Variants in WDR93 observed in about 807,000 individuals in gnomAD.
WDR93 encodes WD repeat domain 93.
WDR93 carries 73 observed loss-of-function variants against 82.9 expected under a neutral mutation model. The observed-to-expected ratio is 0.88, with a 90% CI of 0.73 to 1.07. WDR93 has a LOEUF of 1.07. Among genes scored for constraint, WDR93 ranks in the 50% least tolerant of loss-of-function variants. The pLI, the probability that WDR93 is intolerant of heterozygous loss-of-function variation, is 0.00. For synonymous variants in WDR93, 283 were observed against 300.1 expected (o/e 0.94, Z 0.59); for missense variants, 738 against 826.0 (o/e 0.89, Z 1.31).
At chr15:89,716,833 G>A in intron 6 of WDR93, 78 bp from the exon 7 acceptor site, 1 of 1,003,442 alleles carries the variant, frequency 1.0e-6, no homozygotes, top group Non-Finnish European at 1.5e-6. Flanking sequence ...GGGGAAGAGA[G>A]AGCATGCCAG....
rs191347831 is a variant in WDR93 at position 89,725,666 on chromosome 15, A to G, written c.881-1491A>G. ...TCACTGTGACCTCTGCTTCCCAAGC[A>G]ATCCTCCCACCTCAGCCTCCCAAGT... On this transcript the variant is annotated intron_variant, in intron 8 of 16. Transcript: ENST00000268130. Among the ~76,000 whole-genome samples, 339 of 151,112 alleles carry G rather than the reference A, an allele frequency of 2.2e-3. 2 individuals are homozygous for G. Among genetic ancestry groups the G allele is most frequent in the African/African-American group, 7.9e-3 (323 of 41,048 alleles).
chr15:89,711,980 T>C, intron 4 of WDR93, 46 bp from the exon 5 acceptor site: 1 of 1,491,088 alleles, frequency 6.7e-7, no homozygotes, highest in Non-Finnish European at 9.3e-7. Flanking sequence ...ATACATTCTC[T>C]GTCAGCAGGC....
At chr15:89,713,787 T>TA (rs1225129616) in intron 5 of WDR93, among the ~76,000 whole-genome samples, 1 of 152,142 alleles carries the variant, frequency 6.6e-6, no homozygotes, top group Non-Finnish European at 1.5e-5. Context: ...ATATGCATTG[T>TA]ATAATGCTTT....
chr15:89,691,487 G>A (rs151052779), intron 1 of WDR93, among the ~76,000 whole-genome samples: 4 of 152,346 alleles, frequency 2.6e-5, no homozygotes, highest in Non-Finnish European at 5.9e-5. Context: ...GGGAGCCGAG[G>A]TGGGCGGATC....
At position 89,743,294 on chromosome 15, in the gene WDR93, A is replaced by C. The variant is rs143711734; in HGVS notation, c.1964A>C (p.Tyr655Ser). ...CATCACAGTTGTGTGGCCCTCAGCTATCGGAAGCTGGAGAAGAACCCAGAG... is the reference window on the plus strand; with the variant it reads ...CATCACAGTTGTGTGGCCCTCAGCTCTCGGAAGCTGGAGAAGAACCCAGAG... ...KRCERFLQKS[Y>S]RKLEKNPEKE... The change falls in exon 17 of 17, where the codon TAT (tyrosine) becomes TCT (serine). Residue 655 changes from tyrosine to serine, a missense_variant and splice_region_variant. Coordinates refer to ENST00000268130, the MANE Select transcript of WDR93 (RefSeq NM_020212.2). 4.3e-6 allele frequency: 7 copies of C among 1,614,042 alleles called. No individual in the cohort carries two copies. In the African/African-American group the frequency reaches 5.3e-5, roughly 12 times the overall value.
intron 7 of WDR93, chr15:89,719,585 A>T (rs937810929): frequency 3.3e-5 from 5 of 151,952 alleles, no homozygotes; most frequent in Non-Finnish European, 5.9e-5. Flanking sequence ...GATATTGGTA[A>T]TTTGTGTCTT....
chr15:89,735,236 T>C (rs1342750962), intron 13 of WDR93, among the ~76,000 whole-genome samples: 2 of 152,222 alleles, frequency 1.3e-5, no homozygotes, highest in South Asian at 2.1e-4. Context: ...ACAAGAGCCA[T>C]ACATGTTGAT....
At chr15:89,735,688 A>C (rs1714289056) in intron 14 of WDR93, 135 bp downstream of exon 14, 2 of 871,422 alleles carry the variant, frequency 2.3e-6, no homozygotes, top group Non-Finnish European at 3.6e-6. Flanking sequence ...TCGGGTTTAC[A>C]AATAGAAAGA....
At chr15:89,719,930 G>T (rs990582775) in intron 7 of WDR93, among the ~76,000 whole-genome samples, 1 of 151,904 alleles carries the variant, frequency 6.6e-6, no homozygotes, top group African/African-American at 2.4e-5. Context: ...CTCCCGAGTA[G>T]CTGGGATTAC....
At position 89,737,675 on chromosome 15, in the gene WDR93, C is replaced by T. The variant is rs1967314997; in HGVS notation, c.1711C>T (p.Pro571Ser). ...APPGAFPLEV[P>S]WKPVFAVSPD... ...TCCGGGAGCCTTTCCTCTGGAGGTC[C>T]CCTGGAAGCCAGTGTTTGCTGTGTC... Residue 571 changes from proline (P) to serine (S), a missense_variant, in exon 15 of 17, where the codon CCC becomes TCC. Coordinates refer to ENST00000268130, the MANE Select transcript of WDR93 (RefSeq NM_020212.2). The T allele has an allele frequency of 4.3e-6, 7 of 1,614,064 alleles. No homozygotes were observed. Among genetic ancestry groups the T allele is most frequent in the Non-Finnish European group, 4.2e-6 (5 of 1,180,042 alleles).
chr15:89,697,649 A>T (rs1237914414), intron 1 of WDR93, among the ~76,000 whole-genome samples: 1 of 152,178 alleles, frequency 6.6e-6, no homozygotes, highest in Non-Finnish European at 1.5e-5. Context: ...CAATTGGAAA[A>T]AATTACTTAA....
chr15:89,705,890 A>G lies in WDR93; in HGVS notation c.561+272A>G, dbSNP rs540378857. On this transcript the variant is annotated intron_variant, in intron 4 of 16. Transcript: ENST00000268130. ...TTTGAGAATCAGACCAACATATCTA[A>G]TAAGTACTCAAAAGTCCCTAAATAT... Among the ~76,000 whole-genome samples the G allele has an allele frequency of 1.1e-4, 16 of 152,288 alleles. No homozygotes were observed. The East Asian group carries it at 2.9e-3, about 28-fold the overall frequency.
Position 89,715,035 on chromosome 15 carries a change from G to A in WDR93, c.696G>A (p.Lys232=). Residue 232 remains lysine, a synonymous_variant, in exon 6 of 17, where the codon AAG becomes AAA. Transcript: ENST00000268130. ...VYKLPKETWL[K]KLEHPQLTSN... ...AATTGCCCAAGGAGACTTGGCTCAA[G>A]AAACTAGAGCACCCCCAACTCACTT... is the stretch of plus-strand genomic sequence containing the variant. The A allele has an allele frequency of 6.2e-7, 1 of 1,614,080 alleles. No individual in the cohort carries two copies. Among genetic ancestry groups the A allele is most frequent in the African/African-American group, 1.3e-5 (1 of 75,042 alleles).
In WDR93 at chr15:89,716,555, T is replaced by G. The variant is rs367734312; in HGVS notation, c.757-356T>G. The stretch of plus-strand genomic sequence containing the variant: ...TTTTACTACGAATTATATTTAGAGT[T>G]ACTTAAATGTAATTCTCAACATCAC... On this transcript the variant is annotated intron_variant, in intron 6 of 16. Transcript: ENST00000268130. 7.9e-5 allele frequency among the ~76,000 whole-genome samples: 12 copies of G among 152,364 alleles called. No individual in the cohort carries two copies. In the South Asian group the frequency reaches 1.4e-3, roughly 18 times the overall value.
At chr15:89,694,079 T>C (rs1965031595) in intron 1 of WDR93, among the ~76,000 whole-genome samples, 1 of 152,204 alleles carries the variant, frequency 6.6e-6, no homozygotes, top group African/African-American at 2.4e-5. Context: ...TTTTTAACTT[T>C]AGGCATTTTA....
At chr15:89,735,369 A>T in intron 13 of WDR93, 121 bp from the exon 14 acceptor site, 1 of 978,088 alleles carries the variant, frequency 1.0e-6, no homozygotes, top group Non-Finnish European at 1.6e-6. Flanking sequence ...GCTACTATGA[A>T]CAGCCTCCTC....
intron 4 of WDR93, among the ~76,000 whole-genome samples, chr15:89,709,860 TA>T (rs5814398): frequency 3.7e-4 from 55 of 149,312 alleles, no homozygotes; most frequent in African/African-American, 7.8e-4. Flanking sequence ...GTATTTGTAA[TA>T]AAAAAAAAAA....
chr15:89,714,112 C>G (rs1184307732), intron 5 of WDR93: 1 of 152,128 alleles, frequency 6.6e-6, no homozygotes, highest in Non-Finnish European at 1.5e-5. Flanking sequence ...CAGAAGAATT[C>G]TTTAGGTACA....
upstream of WDR93, chr15:89,690,678 G>A: frequency 1.4e-6 from 2 of 1,424,302 alleles, no homozygotes; most frequent in Non-Finnish European, 1.9e-6. Context: ...TCAGGCGTGG[G>A]TCCTCTGGGG....
Sources: allele counts gnomAD v4.1 joint callset (sites outside exome capture counted in the v4.1 genomes callset), GRCh38; gene constraint gnomAD v4.1.1; transcripts MANE v1.5; gene names NCBI Gene and HGNC (gene_info 2026-07-23, HGNC 2026-07-21).